The following FAM117A variants were observed in gnomAD, a reference collection of about 807,000 sequenced individuals.
FAM117A encodes protein FAM117A.
FAM117A carries 21 observed loss-of-function variants against 44.1 expected under a neutral mutation model. That is an observed-to-expected ratio of 0.48 (90% CI 0.34 to 0.69). FAM117A has a LOEUF of 0.69. FAM117A is among the 30% of genes least tolerant of loss of function. FAM117A has a pLI of 0.01. For synonymous variants in FAM117A, 220 were observed against 238.3 expected (o/e 0.92, Z 0.71); for missense variants, 498 against 589.9 (o/e 0.84, Z 1.61).
At chr17:49,763,118 C>G (rs1348548761) in intron 1 of FAM117A, among the ~76,000 whole-genome samples, 1 of 131,792 alleles carries the variant, frequency 7.6e-6, no homozygotes, top group Non-Finnish European at 1.6e-5. Context: ...AGGTCTCCCC[C>G]CCGCTACACA....
intron 7 of FAM117A, among the ~76,000 whole-genome samples, chr17:49,712,050 G>A (rs1481083428): frequency 1.3e-5 from 2 of 152,220 alleles, no homozygotes; most frequent in Admixed American, 1.3e-4. Flanking sequence ...GAAGGCTGAG[G>A]CAGGAGAATC....
At chr17:49,713,088 A>G (rs562591094) in intron 7 of FAM117A, among the ~76,000 whole-genome samples, 1 of 152,254 alleles carries the variant, frequency 6.6e-6, no homozygotes, top group Non-Finnish European at 1.5e-5. Flanking sequence ...GAGTCTCACT[A>G]TGTTGACCAG....
At chr17:49,777,426 A>C (rs2073778237) in intron 1 of FAM117A, among the ~76,000 whole-genome samples, 1 of 152,030 alleles carries the variant, frequency 6.6e-6, no homozygotes. Flanking sequence ...CTGGGGCCTG[A>C]GACTCTGGTA....
chr17:49,728,074 T>C (rs2073568061), intron 2 of FAM117A, among the ~76,000 whole-genome samples: 1 of 152,258 alleles, frequency 6.6e-6, no homozygotes, highest in African/African-American at 2.4e-5. Context: ...TCTCTGGCCC[T>C]ACAGTGACTA....
chr17:49,753,226 T>C (rs1221208721), intron 1 of FAM117A, among the ~76,000 whole-genome samples: 5 of 152,148 alleles, frequency 3.3e-5, no homozygotes, highest in African/African-American at 7.2e-5. Context: ...TATATAAACA[T>C]AGAAGAAACA....
Position 49,732,709 on chromosome 17 carries a change from A to G in FAM117A, c.208T>C (p.Cys70Arg). 6.2e-7 allele frequency: 1 copy of G among 1,613,362 alleles called. No homozygotes were observed. The highest frequency in any genetic ancestry group is 8.5e-7 in the Non-Finnish European group (1 of 1,179,666). ...DGGGRAASVP[C>R]SVAPEKSVCR... ...ACTGACTTTTCTGGGGCCACCGAGC[A>G]TGGGACGCTGGCTGCAAGAGAACAC... Residue 70 changes from cysteine to arginine, a missense_variant, in exon 2 of 8, where the codon TGC becomes CGC. Around this residue, in one of 3 missense-constraint regions of FAM117A, gnomAD observed 270 missense variants for 277.4 expected, o/e 0.97. Transcript: ENST00000240364.
upstream of FAM117A, among the ~76,000 whole-genome samples, chr17:49,764,410 C>T (rs1453425585): frequency 2.0e-5 from 3 of 152,100 alleles, no homozygotes; most frequent in African/African-American, 7.2e-5. Context: ...AATGAGAAGA[C>T]GCAGAATAGG....
chr17:49,762,425 TCAC>T (rs896276899), intron 1 of FAM117A, among the ~76,000 whole-genome samples: 19 of 152,244 alleles, frequency 1.2e-4, no homozygotes, highest in African/African-American at 4.6e-4. Flanking sequence ...TACTACTTGG[TCAC>T]CATCTTGCTA....
chr17:49,763,886 G>A lies in FAM117A; in HGVS notation c.196+6C>T, dbSNP rs1259425398. 9.0e-7 allele frequency: 1 copy of A among 1,116,460 alleles called. No homozygotes were observed. Among genetic ancestry groups the A allele is most frequent in the Non-Finnish European group, 1.1e-6 (1 of 916,208 alleles). The allele number at this position is 1,116,460 out of a possible 1,614,324, so 69.2% of individuals were successfully genotyped here. A position where few individuals can be genotyped will look rare whatever the true frequency, so the allele number is the denominator to read the frequency against. ...TTCCACGGCACCCGCTCCAGGCCCG[G>A]CTCACCTGCACGGCCACCCCCGTCC... On this transcript the variant is annotated splice_donor_region_variant and intron_variant, in intron 1 of 7. Coordinates refer to ENST00000240364, the MANE Select transcript of FAM117A (RefSeq NM_030802.4).
At chr17:49,777,257 T>C (rs137904775) in intron 1 of FAM117A, among the ~76,000 whole-genome samples, 4 of 152,154 alleles carry the variant, frequency 2.6e-5, no homozygotes, top group Admixed American at 1.3e-4. Context: ...CAGTGATTAA[T>C]AGGCTGCTGG....
upstream of FAM117A, chr17:49,788,713 C>A: frequency 9.4e-7 from 1 of 1,062,806 alleles, no homozygotes; most frequent in Non-Finnish European, 1.3e-6. Flanking sequence ...AGGCAGGAGG[C>A]ACTAGGGATC....
At position 49,755,038 on chromosome 17, in the gene FAM117A, C is replaced by CAAAAA. The variant is rs199709334; in HGVS notation, c.196+8849_196+8853dup. On this transcript the variant is annotated intron_variant, in intron 1 of 7. Coordinates refer to ENST00000240364, the MANE Select transcript of FAM117A (RefSeq NM_030802.4). Reference sequence around the variant, plus strand: ...GGGCAACAAAAGTGAAACTCCGTCTCAAAAAAAAAAAAAAAAAAAAAAGCC... The same window carrying CAAAAA: ...GGGCAACAAAAGTGAAACTCCGTCTCAAAAAAAAAAAAAAAAAAAAAAAAAAAGCC... 6.9e-5 allele frequency among the ~76,000 whole-genome samples: 3 copies of CAAAAA among 43,228 alleles called. 1 individual carries two copies. Among genetic ancestry groups the CAAAAA allele is most frequent in the Non-Finnish European group, 4.8e-5 (1 of 20,926 alleles). The allele number at this position is 43,228 out of a possible 152,430, so 28.4% of individuals were successfully genotyped here. A position where few individuals can be genotyped will look rare whatever the true frequency, so the allele number is the denominator to read the frequency against.
chr17:49,774,029 C>T (rs2073769118), intron 1 of FAM117A, among the ~76,000 whole-genome samples: 1 of 152,246 alleles, frequency 6.6e-6, no homozygotes, highest in South Asian at 2.1e-4. Flanking sequence ...GCTGGGATTA[C>T]AGGCGTGAGC....
At chr17:49,712,021 C>G (rs901270221) in intron 7 of FAM117A, among the ~76,000 whole-genome samples, 3 of 152,178 alleles carry the variant, frequency 2.0e-5, no homozygotes, top group African/African-American at 7.2e-5. Flanking sequence ...CAGCATGCTC[C>G]TGTAATCCTA....
At position 49,736,470 on chromosome 17, in the gene FAM117A, C is replaced by T. The variant is rs139682776; in HGVS notation, c.197-3750G>A. Among the ~76,000 whole-genome samples, 871 of 152,218 alleles carry T rather than the reference C, an allele frequency of 5.7e-3. 4 individuals carry two copies. Among genetic ancestry groups the T allele is most frequent in the African/African-American group, 0.02 (835 of 41,534 alleles). ...GACAGGGTTTCACCATGGTCTCGAT[C>T]TCCTGACCTCGTGATCTGCCTGCCT... On this transcript the variant is annotated intron_variant, in intron 1 of 7. Coordinates refer to ENST00000240364, the MANE Select transcript of FAM117A (RefSeq NM_030802.4).
At chr17:49,756,045 C>T (rs1219730493) in intron 1 of FAM117A, among the ~76,000 whole-genome samples, 1 of 151,984 alleles carries the variant, frequency 6.6e-6, no homozygotes, top group Non-Finnish European at 1.5e-5. Context: ...GCAGAAGGGA[C>T]TCAAGAGGTT....
chr17:49,719,951 T>C, intron 4 of FAM117A, 57 bp from the exon 5 acceptor site: 1 of 1,557,672 alleles, frequency 6.4e-7, no homozygotes, highest in Middle Eastern at 1.7e-4. Flanking sequence ...TAGACAGTCT[T>C]TCATTCTGAC....
chr17:49,735,373 C>T (rs1239022611), intron 1 of FAM117A, among the ~76,000 whole-genome samples: 1 of 151,132 alleles, frequency 6.6e-6, no homozygotes. Context: ...CTGGGCAACA[C>T]AGCAAGACTC....
intron 7 of FAM117A, among the ~76,000 whole-genome samples, chr17:49,712,556 T>G (rs1410542892): frequency 6.6e-6 from 1 of 152,182 alleles, no homozygotes; most frequent in Admixed American, 6.5e-5. Context: ...TGGCCCAGGC[T>G]GGAGTGCGGT....
Sources: allele counts gnomAD v4.1 joint callset (sites outside exome capture counted in the v4.1 genomes callset), GRCh38; gene constraint gnomAD v4.1.1; regional missense constraint gnomAD v4.1.1; transcripts MANE v1.5; gene names NCBI Gene and HGNC (gene_info 2026-07-23, HGNC 2026-07-21).